The following KRT79 variants were observed in gnomAD, a reference collection of about 807,000 sequenced individuals.
KRT79 encodes the protein keratin, type II cytoskeletal 79.
A neutral mutation model predicts 49.0 loss-of-function variants in KRT79; 51 were observed. The ratio of observed to expected loss-of-function variants is 1.04; its 90% CI spans 0.83 to 1.31. The LOEUF is 1.31. Ranked by LOEUF, KRT79 falls within the 40% of genes most tolerant of loss-of-function variation. The pLI is 0.00. For synonymous variants in KRT79, 312 were observed against 286.6 expected (o/e 1.09, Z -0.90); for missense variants, 728 against 688.0 (o/e 1.06, Z -0.65).
chr12:52,833,705 A>C lies in KRT79; in HGVS notation c.477+79T>G, dbSNP rs180872010. 1.1e-4 allele frequency: 122 copies of C among 1,136,296 alleles called. No homozygotes were observed. The African/African-American group carries it at 1.7e-3, about 15-fold the overall frequency. 70.4% of individuals were successfully genotyped at this position (1,136,296 alleles called of 1,614,324 possible). A position where few individuals can be genotyped will look rare whatever the true frequency, so the allele number is the denominator to read the frequency against. ...CACCCTAGTACAAGTGGGCTACAGC[A>C]GCCCTGGCCCAGCCCACCCTCTATT... On this transcript the variant is annotated intron_variant, in intron 1 of 8. Transcript: ENST00000330553.
Position 52,821,781 on chromosome 12 carries a change from T to C in KRT79, c.*91A>G, listed in dbSNP as rs1377406321. On this transcript the variant is annotated 3_prime_UTR_variant, in exon 9 of 9. Coordinates refer to ENST00000330553, the MANE Select transcript of KRT79 (RefSeq NM_175834.3). The stretch of plus-strand genomic sequence containing the variant: ...CCTGGGTCTGAGGTCCCCTGGCTGT[T>C]CCTGCTCCTGAGAAGTGACTGGAAA... The C allele has an allele frequency of 1.7e-6, 2 of 1,191,638 alleles. No homozygotes were observed. Among genetic ancestry groups the C allele is most frequent in the Admixed American group, 3.9e-5 (2 of 50,930 alleles). The allele number at this position is 1,191,638 out of a possible 1,614,324, so 73.8% of individuals were successfully genotyped here.
Position 52,821,464 on chromosome 12 carries a change from T to C in KRT79, c.*408A>G. ...CAGCTAGCTGCAGTTGCACCATTTA[T>C]TGAGACACAGACAGGGAAGGGGGAT... On this transcript the variant is annotated 3_prime_UTR_variant, in exon 9 of 9. Coordinates refer to ENST00000330553, the MANE Select transcript of KRT79 (RefSeq NM_175834.3). 1 of 215,990 alleles carries C rather than the reference T, an allele frequency of 4.6e-6. No individual in the cohort carries two copies. The highest frequency in any genetic ancestry group is 2.3e-5 in the African/African-American group (1 of 43,554). The allele number at this position is 215,990 out of a possible 1,614,324, so 13.4% of individuals were successfully genotyped here.
chr12:52,822,860 G>A (rs1002023318), intron 7 of KRT79, among the ~76,000 whole-genome samples, 156 bp downstream of exon 7: 1 of 152,130 alleles, frequency 6.6e-6, no homozygotes, highest in Non-Finnish European at 1.5e-5. Flanking sequence ...GAGGAGTGAT[G>A]GAGGCAGTGG....
Position 52,821,878 on chromosome 12 carries a change from C to T in KRT79, c.1602G>A (p.Arg534=). 3.1e-6 allele frequency: 5 copies of T among 1,613,860 alleles called. No individual in the cohort carries two copies. Among genetic ancestry groups the T allele is most frequent in the Non-Finnish European group, 3.4e-6 (4 of 1,179,956 alleles). Residue 534 remains arginine, a synonymous_variant, in exon 9 of 9, where the codon AGG becomes AGA. Transcript: ENST00000330553. ...CCCTTGCAGGGCTCAGCAGCTAATA[C>T]CTCTGGCTGGACGTCTTGACCGTAG... ...KTTTVKTSSQ[R]Y
At position 52,821,545 on chromosome 12, in the gene KRT79, T is replaced by G. The variant is rs1592315218; in HGVS notation, c.*327A>C. 2.8e-6 allele frequency: 1 copy of G among 351,260 alleles called. No individual in the cohort carries two copies. The highest frequency in any genetic ancestry group is 5.3e-6 in the Non-Finnish European group (1 of 187,176). The allele number at this position is 351,260 out of a possible 1,614,324, so 21.8% of individuals were successfully genotyped here. The stretch of plus-strand genomic sequence containing the variant: ...GTGGGGGACTGGGGAGGTTGAAGGG[T>G]CTTTGGGGACCACTCCCAATTTCTC... On this transcript the variant is annotated 3_prime_UTR_variant, in exon 9 of 9. Transcript: ENST00000330553.
chr12:52,829,856 A>C (rs551111101), intron 4 of KRT79, among the ~76,000 whole-genome samples, 167 bp downstream of exon 4: 2 of 152,092 alleles, frequency 1.3e-5, no homozygotes, highest in East Asian at 3.9e-4. Context: ...GTGCCACTAC[A>C]CTCCAGCCTG....
At chr12:52,822,716 C>G (rs1940111524) in intron 7 of KRT79, among the ~76,000 whole-genome samples, 1 of 152,132 alleles carries the variant, frequency 6.6e-6, no homozygotes, top group Admixed American at 6.5e-5. Context: ...CATGCTTTTC[C>G]TAAGGACAGA....
At chr12:52,823,337 C>T in intron 6 of KRT79, 101 bp from the exon 7 acceptor site, 1 of 917,478 alleles carries the variant, frequency 1.1e-6, no homozygotes, top group Non-Finnish European at 1.7e-6. Context: ...CATCCCTGCC[C>T]CCAACCAGCT....
intron 7 of KRT79, 77 bp from the exon 8 acceptor site, chr12:52,822,456 C>T: frequency 1.0e-6 from 1 of 962,806 alleles, no homozygotes; most frequent in Non-Finnish European, 1.6e-6. Context: ...TTCCCTCTGC[C>T]TTTACATTGG....
In KRT79 at chr12:52,823,345, G is replaced by C. The variant is rs539171183; in HGVS notation, c.1147-109C>G. On this transcript the variant is annotated intron_variant, in intron 6 of 8. Coordinates refer to ENST00000330553, the MANE Select transcript of KRT79 (RefSeq NM_175834.3). Reference sequence around the variant, plus strand: ...ATTCCCACATCCCTGCCCCCAACCAGCTGGGAAAGAGAGAAGAGAAATATT... The same window carrying C: ...ATTCCCACATCCCTGCCCCCAACCACCTGGGAAAGAGAGAAGAGAAATATT... The C allele has an allele frequency of 7.8e-5, 67 of 861,198 alleles. No homozygotes were observed. In the South Asian group the frequency reaches 1.0e-3, roughly 13 times the overall value. 53.3% of individuals were successfully genotyped at this position (861,198 alleles called of 1,614,324 possible). A position where few individuals can be genotyped will look rare whatever the true frequency, so the allele number is the denominator to read the frequency against.
rs564237906 is a variant in KRT79 at position 52,827,061 on chromosome 12, G to A, written c.856-2699C>T. 3.3e-5 allele frequency among the ~76,000 whole-genome samples: 5 copies of A among 152,262 alleles called. No individual in the cohort carries two copies. In the East Asian group the frequency reaches 7.7e-4, roughly 24 times the overall value. ...CGATGTGGGCACTCACCACCCACTGGTCCCCAAGCACCATGTTCCTTCATG... is the reference window on the plus strand; with the variant it reads ...CGATGTGGGCACTCACCACCCACTGATCCCCAAGCACCATGTTCCTTCATG... On this transcript the variant is annotated intron_variant, in intron 4 of 8. Coordinates refer to ENST00000330553, the MANE Select transcript of KRT79 (RefSeq NM_175834.3).
intron 1 of KRT79, among the ~76,000 whole-genome samples, chr12:52,832,299 G>A (rs990400426): frequency 1.3e-5 from 2 of 152,044 alleles, no homozygotes; most frequent in African/African-American, 4.8e-5. Context: ...AAGAAAATTG[G>A]TGAACTGGGT....
At chr12:52,822,498 G>GGAA in intron 7 of KRT79, 119 bp from the exon 8 acceptor site, 1 of 711,898 alleles carries the variant, frequency 1.4e-6, no homozygotes, top group Non-Finnish European at 2.4e-6. Flanking sequence ...GACAAGACCA[G>GGAA]GAAACATGAG....
chr12:52,823,328 A>C, intron 6 of KRT79, 92 bp from the exon 7 acceptor site: 1 of 991,028 alleles, frequency 1.0e-6, no homozygotes, highest in Non-Finnish European at 1.6e-6. Context: ...TCATTCCCAC[A>C]TCCCTGCCCC....
chr12:52,831,691 G>A, intron 1 of KRT79, 65 bp from the exon 2 acceptor site: 2 of 1,335,990 alleles, frequency 1.5e-6, no homozygotes, highest in Non-Finnish European at 2.1e-6. Flanking sequence ...CAAGGATGGG[G>A]TCCATTGCCA....
At chr12:52,826,725 A>T (rs1940181019) in intron 4 of KRT79, among the ~76,000 whole-genome samples, 1 of 152,052 alleles carries the variant, frequency 6.6e-6, no homozygotes, top group Admixed American at 6.6e-5. Flanking sequence ...CAGATGCCCC[A>T]GGCCAGAGGG....
chr12:52,827,167 A>G (rs1940186990), intron 4 of KRT79, among the ~76,000 whole-genome samples: 2 of 152,136 alleles, frequency 1.3e-5, no homozygotes, highest in Admixed American at 1.3e-4. Context: ...CCTTCCATCA[A>G]GATCCAACTC....
intron 1 of KRT79, 24 bp downstream of exon 1, chr12:52,833,760 C>T: frequency 2.5e-6 from 4 of 1,592,296 alleles, no homozygotes; most frequent in Non-Finnish European, 3.4e-6. Flanking sequence ...CAAGAGCTCC[C>T]TTCCTCCTTC....
At chr12:52,829,904 T>G in intron 4 of KRT79, 119 bp downstream of exon 4, 15 of 832,902 alleles carry the variant, frequency 1.8e-5, no homozygotes, top group South Asian at 9.6e-5. Flanking sequence ...AAAAAAAGTG[T>G]TAAGGTTTCA....
Sources: gnomAD v4.1 joint callset for allele counts (sites outside exome capture counted in the v4.1 genomes callset) on GRCh38, gnomAD v4.1.1 for gene constraint, MANE v1.5 for transcripts, NCBI Gene and HGNC (gene_info 2026-07-23, HGNC 2026-07-21) for gene names.